TMEM164: variants seen among roughly 807,000 people sequenced by gnomAD.
TMEM164 encodes the protein transmembrane protein 164.
TMEM164 carries 4 observed loss-of-function variants against 18.8 expected under a neutral mutation model. The ratio of observed to expected loss-of-function variants is 0.21; its 90% CI spans 0.10 to 0.49. The LOEUF (loss-of-function observed/expected upper bound fraction) is 0.49. TMEM164 is among the 20% of genes least tolerant of loss of function. The probability of loss-of-function intolerance (pLI) is 0.98; values close to 1 mark genes in which losing one functional copy is unlikely to be tolerated. For synonymous variants in TMEM164, 86 were observed against 101.7 expected (o/e 0.85, Z 0.93); for missense variants, 108 against 239.9 (o/e 0.45, Z 3.63).
downstream of TMEM164, among the ~76,000 whole-genome samples, chrX:110,183,536 A>G (rs2067330876): frequency 8.9e-6 from 1 of 112,235 alleles, no homozygotes; most frequent in East Asian, 2.8e-4. Context: ...GAAAAGGCAC[A>G]TAAGGCACTT....
chrX:110,130,901 G>C (rs995543365), intron 4 of TMEM164, among the ~76,000 whole-genome samples: 1 of 111,874 alleles, frequency 8.9e-6, no homozygotes, highest in African/African-American at 3.3e-5. Flanking sequence ...AGAAGAAATA[G>C]AGAATTGGAG....
chrX:110,155,088 TC>T (rs2148094911), intron 5 of TMEM164, among the ~76,000 whole-genome samples: 1 of 111,897 alleles, frequency 8.9e-6, no homozygotes, highest in African/African-American at 3.3e-5. Context: ...GACTGCCGTC[TC>T]TAGAGGTCAG....
At position 110,173,438 on chromosome X, in the gene TMEM164, A is replaced by C. The variant is rs746973766; in HGVS notation, c.881A>C (p.Lys294Thr). 1 of 1,205,575 alleles carries C rather than the reference A, an allele frequency of 8.3e-7. No homozygotes were observed. Among genetic ancestry groups the C allele is most frequent in the Non-Finnish European group, 1.1e-6 (1 of 894,062 alleles). ...CTGGATTTGCTCCGGCTTCCAGCCA[A>C]GAAAATAGACTGAAGGTGCTTATTT... is the stretch of plus-strand genomic sequence containing the variant. ...YLLDLLRLPA[K>T]KID The change falls in exon 7 of 7, where the codon AAG (lysine) becomes ACG (threonine). Residue 294 changes from lysine (K) to threonine (T), a missense_variant. Lys to Thr is a moderately conservative substitution (Grantham distance 78, BLOSUM62 -1). Transcript: ENST00000372068.
rs921157232 is a variant in TMEM164 at position 110,046,190 on chromosome X, A to G, written c.391-21157A>G. ...ATTATTTCTGTCAAGCTCAGTGCTG[A>G]CGTTATGGGCTTTGAATCCGTGTTC... On this transcript the variant is annotated intron_variant, in intron 2 of 6. Coordinates refer to ENST00000372068, the MANE Select transcript of TMEM164 (RefSeq NM_032227.4). The G allele has an allele frequency of 1.3e-5, 10 of 753,238 alleles. No homozygotes were observed. The African/African-American group carries it at 2.3e-4, about 17-fold the overall frequency. The allele number at this position is 753,238 out of a possible 1,213,427, so 62.1% of individuals were successfully genotyped here.
chrX:110,057,259 G>A (rs191221943), intron 2 of TMEM164, among the ~76,000 whole-genome samples: 1 of 111,764 alleles, frequency 8.9e-6, no homozygotes, highest in Non-Finnish European at 1.9e-5. Flanking sequence ...TCATATTTAT[G>A]TGACATCATA....
intron 5 of TMEM164, among the ~76,000 whole-genome samples, chrX:110,157,424 G>T (rs949986391): frequency 9.0e-6 from 1 of 111,437 alleles, no homozygotes; most frequent in Admixed American, 9.5e-5. Context: ...CCAAGGGAGG[G>T]TGTTTCTCCT....
intron 5 of TMEM164, among the ~76,000 whole-genome samples, chrX:110,146,959 C>T (rs1209248138): frequency 1.8e-5 from 2 of 112,185 alleles, no homozygotes; most frequent in Non-Finnish European, 3.8e-5. Context: ...AATGGCTTAG[C>T]AATTTTTACC....
At chrX:110,151,136 G>A (rs1340688044) in intron 5 of TMEM164, among the ~76,000 whole-genome samples, 1 of 112,031 alleles carries the variant, frequency 8.9e-6, no homozygotes, top group Non-Finnish European at 1.9e-5. Context: ...GTCTGCTATT[G>A]ATGGACATTT....
At chrX:110,065,102 T>C (rs1351163553) in intron 2 of TMEM164, 1 of 109,825 alleles carries the variant, frequency 9.1e-6, no homozygotes, top group East Asian at 2.9e-4. Context: ...CCATGACTGA[T>C]GGAGGATAAC....
chrX:110,151,814 G>A (rs762001062), intron 5 of TMEM164, among the ~76,000 whole-genome samples: 3 of 110,925 alleles, frequency 2.7e-5, no homozygotes, highest in Non-Finnish European at 5.7e-5. Context: ...ATTGGCATTT[G>A]ATTTCCTCTT....
intron 4 of TMEM164, among the ~76,000 whole-genome samples, chrX:110,126,359 T>C (rs951097500): frequency 8.9e-6 from 1 of 112,459 alleles, no homozygotes; most frequent in East Asian, 2.8e-4. Context: ...ACCTCTGGAC[T>C]CACAGCATCT....
chrX:110,128,202 G>A (rs959143329), intron 4 of TMEM164, among the ~76,000 whole-genome samples: 9 of 111,715 alleles, frequency 8.1e-5, no homozygotes, highest in Admixed American at 5.7e-4. Flanking sequence ...CCCAGCCCCC[G>A]GGGACTCTGT....
intron 2 of TMEM164, among the ~76,000 whole-genome samples, chrX:110,049,732 G>C (rs1204553097): frequency 9.0e-6 from 1 of 111,669 alleles, no homozygotes; most frequent in East Asian, 2.8e-4. Context: ...AATATCTGTA[G>C]ACCCCTGGAG....
chrX:110,035,158 C>G (rs1368377020), intron 2 of TMEM164, among the ~76,000 whole-genome samples: 2 of 106,769 alleles, frequency 1.9e-5, no homozygotes, highest in Admixed American at 1.0e-4. Context: ...CAGCATGGCA[C>G]ATGTATACAT....
At chrX:110,180,011 C>G (rs189209965), downstream of TMEM164, among the ~76,000 whole-genome samples, 88 of 112,076 alleles carry the variant, frequency 7.9e-4, no homozygotes, top group Non-Finnish European at 1.5e-3. Context: ...GCTGAGGGGC[C>G]CCATCCTGTT....
At chrX:110,056,817 G>A (rs1236775669) in intron 2 of TMEM164, among the ~76,000 whole-genome samples, 1 of 111,588 alleles carries the variant, frequency 9.0e-6, no homozygotes, top group African/African-American at 3.3e-5. Context: ...TCATGTGCAT[G>A]TTGAGTACCC....
intron 3 of TMEM164, among the ~76,000 whole-genome samples, chrX:110,106,857 T>C (rs1390445979): frequency 8.9e-6 from 1 of 111,782 alleles, no homozygotes; most frequent in Non-Finnish European, 1.9e-5. Context: ...TGAGCCAGAT[T>C]TTTTAGTACT....
At chrX:110,020,714 C>G (rs1433996188) in intron 2 of TMEM164, 57 of 746,431 alleles carry the variant, frequency 7.6e-5, no homozygotes, top group Non-Finnish European at 8.2e-5. Flanking sequence ...GCCACCCCAC[C>G]CACTTTAAAA....
chrX:110,129,445 G>A (rs1406105608), intron 4 of TMEM164, among the ~76,000 whole-genome samples: 1 of 112,588 alleles, frequency 8.9e-6, no homozygotes, highest in Non-Finnish European at 1.9e-5. Context: ...CTCAAGTTCA[G>A]CTGGCTTAGC....
Sources: gnomAD v4.1 joint callset for allele counts (sites outside exome capture counted in the v4.1 genomes callset) on GRCh38, gnomAD v4.1.1 for gene constraint, MANE v1.5 for transcripts, NCBI Gene and HGNC (gene_info 2026-07-23, HGNC 2026-07-21) for gene names.